The following AKT3 variants were observed in gnomAD, a reference collection of about 807,000 sequenced individuals.
AKT3 encodes AKT serine/threonine kinase 3, also known as RAC-gamma serine/threonine-protein kinase.
Under a neutral mutation model 65.3 loss-of-function variants are expected in AKT3, and 15 were observed. The ratio of observed to expected loss-of-function variants is 0.23; its 90% confidence interval spans 0.15 to 0.35. AKT3 has a LOEUF of 0.35. Ranked by LOEUF, AKT3 falls within the 10% of genes least tolerant of loss-of-function variation. The probability of loss-of-function intolerance (pLI) is 1.00; values close to 1 mark genes in which losing one functional copy is unlikely to be tolerated. For missense variants in AKT3, 243 were observed against 576.5 expected (o/e 0.42, Z 5.92); for synonymous variants, 206 against 183.8 (o/e 1.12, Z -0.98).
At chr1:243,602,554 T>G (rs2148578168) in intron 8 of AKT3, among the ~76,000 whole-genome samples, 1 of 152,298 alleles carries the variant, frequency 6.6e-6, no homozygotes, top group African/African-American at 2.4e-5. Flanking sequence ...GAATACTGAC[T>G]ACTGGTGCTT....
rs70961725 is a variant in AKT3, at chr1:243,503,746, A to C, written c.*1503T>G. ...TTGTTGTTTTTTCCCTGATGGCTTAATTCAGTGATAAATGTACCATGATCC... is the reference window on the plus strand; with the variant it reads ...TTGTTGTTTTTTCCCTGATGGCTTACTTCAGTGATAAATGTACCATGATCC... On this transcript the variant is annotated 3_prime_UTR_variant, in exon 14 of 14. Coordinates refer to ENST00000673466, the MANE Select transcript of AKT3 (RefSeq NM_005465.7). 1.4e-3 allele frequency: 316 copies of C among 231,666 alleles called. 1 individual carries two copies. The East Asian group carries it at 0.019, about 14-fold the overall frequency. The allele number at this position is 231,666 out of a possible 1,614,324, so 14.4% of individuals were successfully genotyped here.
At chr1:243,669,295 C>A (rs1306623586) in intron 3 of AKT3, among the ~76,000 whole-genome samples, 3 of 152,118 alleles carry the variant, frequency 2.0e-5, no homozygotes, top group South Asian at 2.1e-4. Flanking sequence ...CCTGATTGGG[C>A]AACTGATTGG....
At chr1:243,665,851 T>C (rs1682730692) in intron 3 of AKT3, among the ~76,000 whole-genome samples, 1 of 152,210 alleles carries the variant, frequency 6.6e-6, no homozygotes, top group African/African-American at 2.4e-5. Flanking sequence ...GTCTGCTGAC[T>C]CTGCTCTTTT....
intron 2 of AKT3, among the ~76,000 whole-genome samples, chr1:243,837,495 C>T (rs1224424173): frequency 6.6e-6 from 1 of 152,080 alleles, no homozygotes; most frequent in Non-Finnish European, 1.5e-5. Flanking sequence ...ATTTACAGAT[C>T]AATACTCTTG....
At chr1:243,849,964 C>T (rs1435275250) in intron 1 of AKT3, 76 bp downstream of exon 1, 1 of 947,388 alleles carries the variant, frequency 1.1e-6, no homozygotes, top group Non-Finnish European at 1.3e-6. Context: ...GCAGGGAGGG[C>T]GGACCGGGGC....
intron 3 of AKT3, among the ~76,000 whole-genome samples, chr1:243,692,806 T>A (rs1040279450): frequency 6.6e-6 from 1 of 152,164 alleles, no homozygotes; most frequent in Non-Finnish European, 1.5e-5. Flanking sequence ...AAAAGTTTTA[T>A]TACTTAAATT....
intron 5 of AKT3, 67 bp from the exon 6 acceptor site, chr1:243,637,809 T>C: frequency 4.2e-6 from 5 of 1,184,324 alleles, no homozygotes; most frequent in Non-Finnish European, 5.7e-6. Context: ...AGCATATATA[T>C]ATGTGTTTGC....
At chr1:243,719,308 T>G (rs902473667) in intron 2 of AKT3, among the ~76,000 whole-genome samples, 1 of 152,240 alleles carries the variant, frequency 6.6e-6, no homozygotes, top group Non-Finnish European at 1.5e-5. Context: ...CATAACTCTC[T>G]GCTAACTTTA....
At chr1:243,527,204 G>A (rs1671166369) in intron 12 of AKT3, among the ~76,000 whole-genome samples, 1 of 152,150 alleles carries the variant, frequency 6.6e-6, no homozygotes, top group South Asian at 2.1e-4. Context: ...GCCTCTCTGT[G>A]CCTTGCACAT....
Position 243,504,654 on chromosome 1 carries a change from A to ATC in AKT3, c.*593_*594dup, listed in dbSNP as rs1669551374. 5.8e-6 allele frequency: 1 copy of ATC among 173,502 alleles called. No homozygotes were observed. The highest frequency in any genetic ancestry group is 1.2e-5 in the Non-Finnish European group (1 of 81,134). 10.7% of individuals were successfully genotyped at this position (173,502 alleles called of 1,614,324 possible). Reference sequence around the variant, plus strand: ...AAAAAAATTATATATATATATATATATCCCAACAGTTGTTCAGTCCTTCTA... The same window carrying ATC: ...AAAAAAATTATATATATATATATATATCTCCCAACAGTTGTTCAGTCCTTCTA... On this transcript the variant is annotated 3_prime_UTR_variant, in exon 14 of 14. Coordinates refer to ENST00000673466, the MANE Select transcript of AKT3 (RefSeq NM_005465.7).
chr1:243,844,945 G>A (rs1209615256), intron 1 of AKT3, among the ~76,000 whole-genome samples: 2 of 152,084 alleles, frequency 1.3e-5, no homozygotes, highest in Admixed American at 1.3e-4. Context: ...TGTGGTCCAG[G>A]TACACCAGTG....
chr1:243,544,839 G>T (rs1672555404), intron 12 of AKT3, among the ~76,000 whole-genome samples: 1 of 151,490 alleles, frequency 6.6e-6, no homozygotes, highest in Non-Finnish European at 1.5e-5. Context: ...GCCTTCTTAG[G>T]AGTGCGCCAC....
intron 3 of AKT3, among the ~76,000 whole-genome samples, chr1:243,684,752 G>A (rs1684166058): frequency 6.6e-6 from 1 of 152,124 alleles, no homozygotes; most frequent in African/African-American, 2.4e-5. Flanking sequence ...CACAACGGTT[G>A]AACTAATTTA....
At chr1:243,644,730 A>T (rs320334) in intron 5 of AKT3, among the ~76,000 whole-genome samples, 126,739 of 152,042 alleles carry the variant, frequency 0.83, 52,970 homozygotes, top group Non-Finnish European at 0.86. Context: ...TGGGGTTCAA[A>T]TACTTAACCA....
intron 8 of AKT3, among the ~76,000 whole-genome samples, chr1:243,611,452 G>A (rs901734945): frequency 1.3e-5 from 2 of 152,124 alleles, no homozygotes; most frequent in African/African-American, 4.8e-5. Context: ...AAAGGCTGAC[G>A]TGGGTGCATC....
intron 2 of AKT3, among the ~76,000 whole-genome samples, chr1:243,825,190 G>A (rs1469883823): frequency 2.6e-5 from 4 of 152,154 alleles, no homozygotes; most frequent in Non-Finnish European, 5.9e-5. Flanking sequence ...CTTCTAAGTG[G>A]GAGCTGAACA....
intron 6 of AKT3, among the ~76,000 whole-genome samples, chr1:243,632,911 T>G (rs886682589): frequency 6.6e-6 from 1 of 152,196 alleles, no homozygotes. Flanking sequence ...AATTAAGGCC[T>G]TGCTCTGGAT....
At chr1:243,795,459 T>TTG (rs2148349140) in intron 2 of AKT3, among the ~76,000 whole-genome samples, 2 of 124,910 alleles carry the variant, frequency 1.6e-5, no homozygotes, top group South Asian at 2.5e-4. Flanking sequence ...GTTTTTTTTT[T>TTG]TTGTTTTTTT....
Position 243,843,245 on chromosome 1 carries a change from C to CT in AKT3, c.-76dup. ...TCAGCTTTAGGGTTTGGATTCTCTG[C>CT]TGCTGCTGCCCTTCCCACTCTCTAG... On this transcript the variant is annotated 5_prime_UTR_variant, in exon 2 of 14. Transcript: ENST00000673466. 1.9e-6 allele frequency: 3 copies of CT among 1,557,694 alleles called. No homozygotes were observed. Among genetic ancestry groups the CT allele is most frequent in the Non-Finnish European group, 2.6e-6 (3 of 1,146,752 alleles).
Sources: allele counts gnomAD v4.1 joint callset (sites outside exome capture counted in the v4.1 genomes callset), GRCh38; gene constraint gnomAD v4.1.1; transcripts MANE v1.5; gene names NCBI Gene and HGNC (gene_info 2026-07-23, HGNC 2026-07-21).